Variants in AGO3 observed in about 807,000 individuals in gnomAD.
AGO3 encodes the protein argonaute RISC catalytic component 3, also known as protein argonaute-3.
AGO3 carries 16 observed loss-of-function variants against 105.5 expected under a neutral mutation model. That is an observed-to-expected ratio of 0.15 (90% CI 0.10 to 0.23). The LOEUF (loss-of-function observed/expected upper bound fraction) is 0.23, where lower values mean the gene tolerates loss of function less well. Ranked by LOEUF, AGO3 falls within the 10% of genes least tolerant of loss-of-function variation. The pLI, the probability that AGO3 is intolerant of heterozygous loss-of-function variation, is 1.00. For missense variants in AGO3, 534 were observed against 1,088.0 expected (o/e 0.49, Z 7.16); for synonymous variants, 340 against 367.3 (o/e 0.93, Z 0.85).
chr1:35,932,465 G>A (rs1209762634), intron 1 of AGO3, among the ~76,000 whole-genome samples: 2 of 151,904 alleles, frequency 1.3e-5, no homozygotes, highest in African/African-American at 4.8e-5. Flanking sequence ...GTGACATAAC[G>A]ATAGCTAAGA....
chr1:36,008,851 G>T lies in AGO3; in HGVS notation c.882-46G>T. 1 of 1,613,984 alleles carries T rather than the reference G, an allele frequency of 6.2e-7. No individual in the cohort carries two copies. The highest frequency in any genetic ancestry group is 8.5e-7 in the Non-Finnish European group (1 of 1,180,008). ...GTTAGTGGGGTTGGGAGTTTTTCTG[G>T]CTCATAATGGGCAAGAATTGTTCAT... On this transcript the variant is annotated intron_variant, in intron 7 of 18. Transcript: ENST00000373191. This position sits in a 1 kb window ranked among gnomAD's most constrained non-coding sequence, Gnocchi z 5.1.
chr1:36,053,637 T>A (rs1185422786), intron 17 of AGO3, among the ~76,000 whole-genome samples: 2 of 152,004 alleles, frequency 1.3e-5, no homozygotes. Flanking sequence ...TGGAGTGCAG[T>A]GGCACAATCA....
chr1:36,005,309 TC>T (rs1338591458), intron 6 of AGO3, among the ~76,000 whole-genome samples: 111 of 152,274 alleles, frequency 7.3e-4, no homozygotes, highest in South Asian at 1.5e-3. Flanking sequence ...ATCTTTCAGT[TC>T]CCCCAAATCA....
At chr1:35,991,620 C>T (rs945886120) in intron 5 of AGO3, among the ~76,000 whole-genome samples, 6 of 150,680 alleles carry the variant, frequency 4.0e-5, no homozygotes, top group African/African-American at 1.5e-4. Context: ...TAGTTTAGCT[C>T]TTTCTGTGGT....
At chr1:35,949,925 A>T (rs1009794225) in intron 2 of AGO3, among the ~76,000 whole-genome samples, 15 of 151,394 alleles carry the variant, frequency 9.9e-5, no homozygotes, top group Admixed American at 1.3e-4. Flanking sequence ...TTCGTTTCTT[A>T]TTAAAGATTT....
rs1270418319 is a variant in AGO3 at position 36,064,995 on chromosome 1, T to G, written c.*9250T>G. 2.7e-5 allele frequency: 4 copies of G among 150,920 alleles called. No individual in the cohort carries two copies. The highest frequency in any genetic ancestry group is 6.6e-5 in the Admixed American group (1 of 15,152). The allele number at this position is 150,920 out of a possible 1,614,324, so 9.3% of individuals were successfully genotyped here. A position where few individuals can be genotyped will look rare whatever the true frequency, so the allele number is the denominator to read the frequency against. Reference sequence around the variant, plus strand: ...CAGCCTGCCCAATATGGTGAAACCCTGTCTCTACTAAAATTACAAAAATTA... The same window carrying G: ...CAGCCTGCCCAATATGGTGAAACCCGGTCTCTACTAAAATTACAAAAATTA... On this transcript the variant is annotated 3_prime_UTR_variant, in exon 19 of 19. Coordinates refer to ENST00000373191, the MANE Select transcript of AGO3 (RefSeq NM_024852.4).
chr1:35,989,945 A>G (rs1278334199), intron 5 of AGO3, among the ~76,000 whole-genome samples: 5 of 152,152 alleles, frequency 3.3e-5, no homozygotes, highest in African/African-American at 4.8e-5. Flanking sequence ...GATGTTATTT[A>G]CCTCTTATTA....
In AGO3 at chr1:36,036,884, C is replaced by T. The variant is rs576824889; in HGVS notation, c.1842+617C>T. ...TAATTTTTTGTACTTTTAGTAGAGACGGGGCTTCACCATGTTGGCCAGGCT... is the reference window on the plus strand; with the variant it reads ...TAATTTTTTGTACTTTTAGTAGAGATGGGGCTTCACCATGTTGGCCAGGCT... On this transcript the variant is annotated intron_variant, in intron 14 of 18. Transcript: ENST00000373191. Among the ~76,000 whole-genome samples the T allele has an allele frequency of 2.4e-4, 37 of 151,892 alleles. 1 individual carries two copies. The East Asian group carries it at 4.8e-3, about 20-fold the overall frequency.
chr1:36,008,968 C>G lies in AGO3; in HGVS notation c.953C>G (p.Thr318Ser), dbSNP rs1478985349. ...GCGCAGTATTTCAGAGAAAAGTATACTCTTCAGCTGAAGTACCCGCACCTT... is the reference window on the plus strand; with the variant it reads ...GCGCAGTATTTCAGAGAAAAGTATAGTCTTCAGCTGAAGTACCCGCACCTT... ...TVAQYFREKY[T>S]LQLKYPHLPC... Residue 318 changes from threonine to serine, a missense_variant, in exon 8 of 19, where the codon ACT becomes AGT. Thr to Ser is a moderately conservative substitution (Grantham distance 58). Transcript: ENST00000373191. The surrounding 1 kb of genome is among the most constrained non-coding windows in gnomAD (Gnocchi z 5.1). The G allele has an allele frequency of 3.1e-6, 5 of 1,613,408 alleles. No individual in the cohort carries two copies. The highest frequency in any genetic ancestry group is 1.7e-5 in the Admixed American group (1 of 59,868).
In AGO3 at chr1:36,055,887, T is replaced by G; in HGVS notation, c.*142T>G. ...TGTGGGGGCCAAGGTCTGATCCTTATGTTAATACAAGGAAGATTGTTTACT... is the reference window on the plus strand; with the variant it reads ...TGTGGGGGCCAAGGTCTGATCCTTAGGTTAATACAAGGAAGATTGTTTACT... On this transcript the variant is annotated 3_prime_UTR_variant, in exon 19 of 19. Coordinates refer to ENST00000373191, the MANE Select transcript of AGO3 (RefSeq NM_024852.4). This position sits in a 1 kb window ranked among gnomAD's most constrained non-coding sequence, Gnocchi z 4.4. 4.5e-6 allele frequency: 3 copies of G among 671,160 alleles called. No homozygotes were observed. The highest frequency in any genetic ancestry group is 7.5e-6 in the Non-Finnish European group (3 of 400,230). The allele number at this position is 671,160 out of a possible 1,614,324, so 41.6% of individuals were successfully genotyped here.
At chr1:35,976,705 C>G (rs758270771) in intron 5 of AGO3, among the ~76,000 whole-genome samples, 2 of 152,088 alleles carry the variant, frequency 1.3e-5, no homozygotes, top group Non-Finnish European at 2.9e-5. Context: ...TGTGATATTT[C>G]TCTTATTTTT....
At chr1:35,943,845 C>T (rs747652845) in intron 1 of AGO3, among the ~76,000 whole-genome samples, 21 of 151,790 alleles carry the variant, frequency 1.4e-4, no homozygotes, top group Non-Finnish European at 2.7e-4. Flanking sequence ...AAGCAGTCTG[C>T]CCACCTCGGC....
Position 36,055,224 on chromosome 1 carries a change from T to G in AGO3, c.2474+79T>G, listed in dbSNP as rs148423896. ...TAGGATTTTCAAGTTCCACAAGCTATTAGCGGAGTCAGTGATCCATGTGAA... is the reference window on the plus strand; with the variant it reads ...TAGGATTTTCAAGTTCCACAAGCTAGTAGCGGAGTCAGTGATCCATGTGAA... On this transcript the variant is annotated intron_variant, in intron 18 of 18. Transcript: ENST00000373191. The surrounding 1 kb of genome is among the most constrained non-coding windows in gnomAD (Gnocchi z 4.4). 1.1e-4 allele frequency: 163 copies of G among 1,440,180 alleles called. No individual in the cohort carries two copies. Among genetic ancestry groups the G allele is most frequent in the Non-Finnish European group, 1.3e-4 (141 of 1,054,770 alleles). The allele number at this position is 1,440,180 out of a possible 1,614,324, so 89.2% of individuals were successfully genotyped here.
intron 4 of AGO3, 77 bp downstream of exon 4, chr1:35,972,309 CTTTA>C: frequency 1.4e-6 from 2 of 1,426,588 alleles, no homozygotes; most frequent in Non-Finnish European, 9.7e-7. Flanking sequence ...TTGGTTAAAC[CTTTA>C]TTTGTCATAT....
Position 36,014,050 on chromosome 1 carries a change from T to C in AGO3, c.1406+2T>C. The C allele has an allele frequency of 6.2e-7, 1 of 1,614,136 alleles. No individual in the cohort carries two copies. Among genetic ancestry groups the C allele is most frequent in the Non-Finnish European group, 8.5e-7 (1 of 1,180,012 alleles). ...GCAGTGCAGAGAAGAAATATTGAAG[T>C]AAGACATGTCATTACCTTGGCTTTG... On this transcript the variant is annotated splice_donor_variant, in intron 11 of 18. Coordinates refer to ENST00000373191, the MANE Select transcript of AGO3 (RefSeq NM_024852.4). LOFTEE classifies it high-confidence loss of function.
chr1:35,953,716 T>C (rs1365678042), intron 2 of AGO3, among the ~76,000 whole-genome samples: 1 of 152,062 alleles, frequency 6.6e-6, no homozygotes, highest in Non-Finnish European at 1.5e-5. Context: ...TTCACTATAT[T>C]GGCCAGGCTG....
At chr1:35,982,634 G>T in intron 5 of AGO3, 1 of 717,742 alleles carries the variant, frequency 1.4e-6, no homozygotes, top group Non-Finnish European at 2.6e-6. Flanking sequence ...GAGACCTCTG[G>T]CAGCAGTGTG....
chr1:35,958,190 G>A (rs1203829001), intron 2 of AGO3, among the ~76,000 whole-genome samples: 1 of 152,084 alleles, frequency 6.6e-6, no homozygotes, highest in Non-Finnish European at 1.5e-5. Context: ...AGATCAGCCT[G>A]GCCAACATGG....
At chr1:36,029,845 A>C (rs772445146) in intron 12 of AGO3, among the ~76,000 whole-genome samples, 2 of 151,424 alleles carry the variant, frequency 1.3e-5, no homozygotes, top group Non-Finnish European at 2.9e-5. Context: ...GGCGCGTGCC[A>C]CCATGCCTGG....
Sources: allele counts gnomAD v4.1 joint callset (sites outside exome capture counted in the v4.1 genomes callset), GRCh38; gene constraint gnomAD v4.1.1; non-coding constraint Gnocchi (gnomAD v3.1); transcripts MANE v1.5; gene names NCBI Gene and HGNC (gene_info 2026-07-23, HGNC 2026-07-21).